Variants in PLEC observed in about 807,000 individuals in gnomAD.
PLEC encodes the protein plectin, also known as hemidesmosomal protein 1.
Under a neutral mutation model 392.8 loss-of-function variants are expected in PLEC, and 216 were observed. The ratio of observed to expected loss-of-function variants is 0.55; its 90% CI spans 0.49 to 0.62. PLEC has a LOEUF of 0.62. PLEC is among the 20% of genes least tolerant of loss of function. The probability of loss-of-function intolerance (pLI) is 0.00; values close to 1 mark genes in which losing one functional copy is unlikely to be tolerated. For missense variants in PLEC, 6,863 were observed against 6,563.4 expected (o/e 1.05, Z -1.58); for synonymous variants, 3,621 against 2,980.6 (o/e 1.21, Z -7.00).
chr8:143,917,835 C>T lies in PLEC; in HGVS notation c.11986G>A (p.Val3996Met), dbSNP rs782051292. 1.9e-6 allele frequency: 3 copies of T among 1,613,476 alleles called. No individual in the cohort carries two copies. The highest frequency in any genetic ancestry group is 2.5e-6 in the Non-Finnish European group (3 of 1,180,012). ...TVEEAVRMGI[V>M]GPEFKDKLLS... ...AGCTTGTCCTTGAACTCGGGGCCCA[C>T]AATGCCCATACGCACAGCCTCCTCC... The change falls in exon 32 of 32, where the codon GTG becomes ATG. Residue 3996 changes from valine (V) to methionine (M), a missense_variant. By Grantham distance (21) the Val-to-Met change is conservative. Coordinates refer to ENST00000345136, the MANE Select transcript of PLEC (RefSeq NM_201384.3).
chr8:143,922,745 G>A lies in PLEC; in HGVS notation c.7184C>T (p.Ala2395Val), dbSNP rs1554690353. 6.2e-7 allele frequency: 1 copy of A among 1,610,230 alleles called. No individual in the cohort carries two copies. The highest frequency in any genetic ancestry group is 1.1e-5 in the South Asian group (1 of 90,740). The change falls in exon 31 of 32, where the codon GCC becomes GTC. Residue 2395 changes from alanine (A) to valine (V), a missense_variant. Ala to Val is a moderately conservative substitution (Grantham distance 64). Coordinates refer to ENST00000345136, the MANE Select transcript of PLEC (RefSeq NM_201384.3). ...LKLRVAEMSR[A>V]QARAEEDAQR... is the part of the protein sequence containing the mutation. ...GGCGTCCTCCTCAGCGCGGGCCTGG[G>A]CTCGGCTCATCTCGGCCACACGCAG...
At position 143,918,876 on chromosome 8, in the gene PLEC, C is replaced by A. The variant is rs782530906; in HGVS notation, c.10945G>T (p.Ala3649Ser). 4 of 1,612,702 alleles carry A rather than the reference C, an allele frequency of 2.5e-6. No individual in the cohort carries two copies. In the Admixed American group the frequency reaches 5.0e-5, roughly 20 times the overall value. ...SYDYVRRRLTAEDLFEARIIS... is the reference protein window; with the variant it reads ...SYDYVRRRLTSEDLFEARIIS... ...ATCCGAGCCTCGAACAGGTCCTCAGCCGTGAGGCGGCGGCGCACGTAGTCG... is the reference window on the plus strand; with the variant it reads ...ATCCGAGCCTCGAACAGGTCCTCAGACGTGAGGCGGCGGCGCACGTAGTCG... The change falls in exon 32 of 32, where the codon GCT becomes TCT. Residue 3649 changes from alanine (A) to serine (S), a missense_variant. Ala to Ser is a moderately conservative substitution (Grantham distance 99). Transcript: ENST00000345136.
At chr8:143,927,370 G>A (rs782587067) in intron 27 of PLEC, 35 bp from the exon 28 acceptor site, 3 of 1,610,300 alleles carry the variant, frequency 1.9e-6, no homozygotes, top group South Asian at 1.1e-5. Flanking sequence ...GTGGCCGCAG[G>A]GCACGCCCAG....
chr8:143,939,286 G>GT, intron 1 of PLEC, 64 bp downstream of exon 1: 1 of 1,560,556 alleles, frequency 6.4e-7, no homozygotes, highest in South Asian at 1.2e-5. Flanking sequence ...GCCACAGGAA[G>GT]TGGGCCTTCC....
rs782419197 is a variant in PLEC at position 143,938,580 on chromosome 8, C to T, written c.174+51G>A. ...GGCGGCAGGGGCCACCCTCCCTCAG[C>T]GCCTCCCACAGCCTCAGCCCCTGTG... On this transcript the variant is annotated intron_variant, in intron 2 of 31. Transcript: ENST00000345136. 20 of 1,591,524 alleles carry T rather than the reference C, an allele frequency of 1.3e-5. 1 individual carries two copies. The highest frequency in any genetic ancestry group is 9.9e-5 in the South Asian group (9 of 90,684).
intron 5 of PLEC, among the ~76,000 whole-genome samples, chr8:143,936,457 G>A (rs1341874962): frequency 2.0e-5 from 3 of 152,222 alleles, no homozygotes; most frequent in Non-Finnish European, 2.9e-5. Flanking sequence ...GAGCTCCATC[G>A]ATGGTTGCAG....
At chr8:143,970,133 GGCCCTCA>G (rs1233814717) in intron 1 of PLEC, among the ~76,000 whole-genome samples, 5 of 152,080 alleles carry the variant, frequency 3.3e-5, no homozygotes, top group Non-Finnish European at 7.4e-5. Context: ...ACTGGCCCCA[GGCCCTCA>G]GCCAGCACTG....
upstream of PLEC, chr8:143,942,447 G>A (rs781798005): frequency 2.5e-6 from 4 of 1,602,618 alleles, no homozygotes; most frequent in Admixed American, 1.7e-5. Context: ...CGCAGCCCCC[G>A]TCCAGCCAGC....
At chr8:143,952,206 ACACGCGCGCACACACGCACGCG>A (rs1391012045), upstream of PLEC, among the ~76,000 whole-genome samples, 4 of 124,028 alleles carry the variant, frequency 3.2e-5, no homozygotes, top group Non-Finnish European at 5.3e-5. Flanking sequence ...ACACACACAC[ACACGCGCGCACACACGCACGCG>A]CACGCGCACG....
Position 143,927,232 on chromosome 8 carries a change from T to C in PLEC, c.3840+20A>G, listed in dbSNP as rs1825540914. The C allele has an allele frequency of 6.2e-7, 1 of 1,609,708 alleles. No individual in the cohort carries two copies. The highest frequency in any genetic ancestry group is 1.7e-4 in the Middle Eastern group (1 of 6,056). On this transcript the variant is annotated intron_variant, in intron 28 of 31. Coordinates refer to ENST00000345136, the MANE Select transcript of PLEC (RefSeq NM_201384.3). ...CAACGGTCCCGGACTTGGGGCCTGG[T>C]GCAGGCGGCTGGGCCTCACCTTGAT...
chr8:143,943,412 C>T (rs1033349107), upstream of PLEC, among the ~76,000 whole-genome samples: 4 of 152,232 alleles, frequency 2.6e-5, no homozygotes, highest in Admixed American at 2.0e-4. Context: ...GGCTCCACCC[C>T]CTGCTGTGTG....
chr8:143,934,837 C>A lies in PLEC; in HGVS notation c.918G>T (p.Arg306Ser), dbSNP rs74693371. ...CAATCTCCTCGAAGCTGGAGGGGAA[C>A]CTGCGTTCCTCAAAGGCGGCCGTGT... ...RHHTAAFEER[R>S]FPSSFEEIEI... Residue 306 changes from arginine (R) to serine (S), a missense_variant, in exon 9 of 32, where the codon AGG (arginine) becomes AGT (serine). By Grantham distance (110) the Arg-to-Ser change is moderately radical (BLOSUM62 -1). Coordinates refer to ENST00000345136, the MANE Select transcript of PLEC (RefSeq NM_201384.3). The A allele has an allele frequency of 1.9e-6, 3 of 1,611,668 alleles. No homozygotes were observed. Among genetic ancestry groups the A allele is most frequent in the Non-Finnish European group, 2.5e-6 (3 of 1,179,828 alleles).
chr8:143,958,540 T>C, upstream of PLEC: 1 of 377,260 alleles, frequency 2.7e-6, no homozygotes, highest in South Asian at 1.8e-5. This position sits in a 1 kb window ranked among gnomAD's most constrained non-coding sequence, Gnocchi z 4.9. Context: ...CACCCTGGCC[T>C]GGCCACCACC....
Position 143,973,449 on chromosome 8 carries a change from C to T in PLEC, c.24G>A (p.Glu8=), listed in dbSNP as rs782217203. Residue 8 remains glutamate, a synonymous_variant, in exon 1 of 32, where the codon GAG becomes GAA. Coordinates refer to the PLEC transcript ENST00000356346. The surrounding 1 kb of genome is among the most constrained non-coding windows in gnomAD (Gnocchi z 5.6). ...CCTCGTAGGCCTGGATGAAGTCCTGCTCGTCGGGCAGCGGGCCGGCCATGC... is the reference window on the plus strand; with the variant it reads ...CCTCGTAGGCCTGGATGAAGTCCTGTTCGTCGGGCAGCGGGCCGGCCATGC... The T allele has an allele frequency of 6.6e-7, 1 of 1,521,868 alleles. No homozygotes were observed. Among genetic ancestry groups the T allele is most frequent in the Admixed American group, 2.0e-5 (1 of 48,948 alleles). 94.3% of individuals were successfully genotyped at this position (1,521,868 alleles called of 1,614,324 possible).
intron 10 of PLEC, 78 bp downstream of exon 10, chr8:143,934,557 G>A (rs1212823660): frequency 2.5e-6 from 4 of 1,597,222 alleles, no homozygotes; most frequent in African/African-American, 2.7e-5. Flanking sequence ...CAAAGGCAGG[G>A]CCAGGTCGGC....
chr8:143,940,503 TAAAGGGC>T (rs1169724852), upstream of PLEC, among the ~76,000 whole-genome samples: 59 of 152,226 alleles, frequency 3.9e-4, no homozygotes, highest in Non-Finnish European at 2.6e-4. Flanking sequence ...TCTCATGCTG[TAAAGGGC>T]AAAGGGCAAA....
rs368326361 is a variant in PLEC at position 143,920,950 on chromosome 8, C to T, written c.8871G>A (p.Lys2957=). Residue 2957 remains lysine (K), a synonymous_variant, in exon 32 of 32, where the codon AAG becomes AAA. Transcript: ENST00000345136. ...TGRITVEKII[K]IIITVVEEQE... is the part of the protein sequence containing the mutation. Reference sequence around the variant, plus strand: ...GCTCCTCCACCACCGTGATGATGATCTTGATGATCTTCTCCACTGTGATCC... The same window carrying T: ...GCTCCTCCACCACCGTGATGATGATTTTGATGATCTTCTCCACTGTGATCC... The T allele has an allele frequency of 5.8e-5, 93 of 1,612,968 alleles. No homozygotes were observed. In the African/African-American group the frequency reaches 1.1e-3, roughly 19 times the overall value.
At position 143,967,086 on chromosome 8, in the gene PLEC, A is replaced by G. The variant is rs529842383; in HGVS notation, c.70+6317T>C. On this transcript the variant is annotated intron_variant, in intron 1 of 31. Transcript: ENST00000356346. Reference sequence around the variant, plus strand: ...AAGAAACCACAGACAGAATTAGGCCAGGCGCGGTGGCTCACGCCTGTAATC... The same window carrying G: ...AAGAAACCACAGACAGAATTAGGCCGGGCGCGGTGGCTCACGCCTGTAATC... 5.3e-5 allele frequency among the ~76,000 whole-genome samples: 8 copies of G among 152,310 alleles called. No individual in the cohort carries two copies. In the East Asian group the frequency reaches 5.8e-4, roughly 11 times the overall value.
In PLEC at chr8:143,960,956, G is replaced by A. The variant is rs1236504460; in HGVS notation, c.70+12447C>T. On this transcript the variant is annotated intron_variant, in intron 1 of 31. Coordinates refer to the PLEC transcript ENST00000356346. ...CCCACCCCACAGCTGGAGGCCTCCC[G>A]CTCTGCACGGGGACCGTGACCCACG... is the stretch of plus-strand genomic sequence containing the variant. Among the ~76,000 whole-genome samples the A allele has an allele frequency of 3.3e-5, 5 of 152,084 alleles. No homozygotes were observed. In the East Asian group the frequency reaches 5.8e-4, roughly 18 times the overall value.
Sources: gnomAD v4.1 joint callset for allele counts (sites outside exome capture counted in the v4.1 genomes callset) on GRCh38, gnomAD v4.1.1 for gene constraint, Gnocchi (gnomAD v3.1) non-coding constraint, MANE v1.5 for transcripts, NCBI Gene and HGNC (gene_info 2026-07-23, HGNC 2026-07-21) for gene names.